PCDHA2: variants seen among roughly 807,000 people sequenced by gnomAD.
The protein encoded by PCDHA2 is protocadherin alpha 2.
Under a neutral mutation model 66.0 loss-of-function variants are expected in PCDHA2, and 58 were observed. The observed-to-expected ratio is 0.88, with a 90% confidence interval of 0.71 to 1.09. The LOEUF (loss-of-function observed/expected upper bound fraction) is 1.09, where lower values mean the gene tolerates loss of function less well. Among genes scored for constraint, PCDHA2 ranks in the 50% least tolerant of loss-of-function variants. The pLI, the probability that PCDHA2 is intolerant of heterozygous loss-of-function variation, is 0.00. For synonymous variants in PCDHA2, 634 were observed against 554.0 expected (o/e 1.14, Z -2.03); for missense variants, 1,267 against 1,242.3 (o/e 1.02, Z -0.30).
chr5:140,805,437 TTGTG>T, intron 1 of PCDHA2: 1 of 1,051,000 alleles, frequency 9.5e-7, no homozygotes, highest in Non-Finnish European at 1.1e-6. Context: ...GTTTTGGTTT[TTGTG>T]TGTGTGTGTT....
chr5:140,973,362 A>G (rs2096583702), intron 1 of PCDHA2, among the ~76,000 whole-genome samples: 1 of 152,256 alleles, frequency 6.6e-6, no homozygotes, highest in Non-Finnish European at 1.5e-5. Flanking sequence ...ATTTATAAAA[A>G]TTGCACAATG....
intron 3 of PCDHA2, among the ~76,000 whole-genome samples, chr5:141,006,464 C>T (rs1243356826): frequency 5.9e-5 from 9 of 152,100 alleles, no homozygotes; most frequent in African/African-American, 1.7e-4. Context: ...CTGCCTGTCT[C>T]GGCCTCCCAA....
intron 1 of PCDHA2, chr5:140,856,228 G>A: frequency 6.3e-7 from 1 of 1,598,094 alleles, no homozygotes; most frequent in Middle Eastern, 1.7e-4. Context: ...AGCTGGTGCA[G>A]CGCCTGTTCC....
At chr5:140,806,009 C>G (rs1167336615) in intron 1 of PCDHA2, among the ~76,000 whole-genome samples, 1 of 152,146 alleles carries the variant, frequency 6.6e-6, no homozygotes, top group East Asian at 1.9e-4. Flanking sequence ...CACACATACT[C>G]AAATGCTTAT....
Position 140,853,522 on chromosome 5 carries a change from C to T in PCDHA2, c.2388+56170C>T, listed in dbSNP as rs1217727658. Reference sequence around the variant, plus strand: ...TCATGAAACAATAATGAAGCTCCTCCTATGTCTCTTTTCAAGTTGTAATTA... The same window carrying T: ...TCATGAAACAATAATGAAGCTCCTCTTATGTCTCTTTTCAAGTTGTAATTA... On this transcript the variant is annotated intron_variant, in intron 1 of 3. Coordinates refer to ENST00000526136, the MANE Select transcript of PCDHA2 (RefSeq NM_018905.3). 4.1e-6 allele frequency: 4 copies of T among 977,898 alleles called. No homozygotes were observed. In the African/African-American group the frequency reaches 5.3e-5, roughly 13 times the overall value. The allele number at this position is 977,898 out of a possible 1,614,324, so 60.6% of individuals were successfully genotyped here.
At position 140,828,792 on chromosome 5, in the gene PCDHA2, A is replaced by G. The variant is rs1554131542; in HGVS notation, c.2388+31440A>G. 3 of 1,614,098 alleles carry G rather than the reference A, an allele frequency of 1.9e-6. No homozygotes were observed. The East Asian group carries it at 6.7e-5, about 36-fold the overall frequency. ...GTTCAGCTGCTGGTCACAGTGCTGG[A>G]TGTGAATGATAATGCTCCCACTTTC... On this transcript the variant is annotated intron_variant, in intron 1 of 3. Coordinates refer to ENST00000526136, the MANE Select transcript of PCDHA2 (RefSeq NM_018905.3).
intron 2 of PCDHA2, among the ~76,000 whole-genome samples, chr5:140,979,642 A>G (rs1364696351): frequency 2.0e-5 from 3 of 152,188 alleles, no homozygotes; most frequent in South Asian, 2.1e-4. Flanking sequence ...ATTAAATATA[A>G]TTTTGCTTTC....
intron 1 of PCDHA2, chr5:140,841,800 C>T (rs2150322954): frequency 6.2e-7 from 1 of 1,613,890 alleles, no homozygotes. Context: ...GCGTCCGATG[C>T]AGATGTTGGA....
intron 1 of PCDHA2, chr5:140,829,054 C>G: frequency 6.2e-7 from 1 of 1,612,720 alleles, no homozygotes; most frequent in Non-Finnish European, 8.5e-7. Flanking sequence ...TCCTCATTGA[C>G]GCCACGGACA....
intron 1 of PCDHA2, chr5:140,808,971 G>A (rs1441304336): frequency 1.2e-6 from 2 of 1,613,480 alleles, no homozygotes; most frequent in Non-Finnish European, 1.7e-6. Context: ...GCAAAGGTGC[G>A]CGCGGTGGAT....
At chr5:140,877,172 C>A (rs371577720) in intron 1 of PCDHA2, 1 of 1,613,818 alleles carries the variant, frequency 6.2e-7, no homozygotes. Flanking sequence ...GCACTGCTGG[C>A]GACTCCGGCT....
intron 3 of PCDHA2, among the ~76,000 whole-genome samples, chr5:140,990,983 A>G (rs3776109): frequency 0.049 from 7,423 of 152,298 alleles, 240 homozygotes; most frequent in South Asian, 0.11. Flanking sequence ...AAAGGAAGAC[A>G]ATAGCTACCA....
chr5:140,854,758 C>T (rs2150321610), intron 1 of PCDHA2: 1 of 149,590 alleles, frequency 6.7e-6, no homozygotes, highest in South Asian at 2.1e-4. Context: ...ATTACATTTT[C>T]ATTCCTGAAT....
In PCDHA2 at chr5:140,858,295, G is replaced by A. The variant is rs190932191; in HGVS notation, c.2388+60943G>A. ...GCGCGGTGGGGAGCTGGTCTTACTC[G>A]CAGCAGAGGCGGCAGAGGGTGTGTT... On this transcript the variant is annotated intron_variant, in intron 1 of 3. Coordinates refer to ENST00000526136, the MANE Select transcript of PCDHA2 (RefSeq NM_018905.3). 2.6e-3 allele frequency: 4,219 copies of A among 1,597,346 alleles called. 330 individuals are homozygous for A. The highest frequency in any genetic ancestry group is 0.01 in the Middle Eastern group (61 of 5,988).
At chr5:140,969,606 C>T (rs2096345912) in intron 1 of PCDHA2, 1 of 758,598 alleles carries the variant, frequency 1.3e-6, no homozygotes, top group South Asian at 2.1e-5. Context: ...AATGCTAAAA[C>T]ACAGATTTGT....
intron 1 of PCDHA2, among the ~76,000 whole-genome samples, chr5:140,908,402 T>C (rs2073951162): frequency 6.6e-6 from 1 of 152,166 alleles, no homozygotes; most frequent in Non-Finnish European, 1.5e-5. Flanking sequence ...TATATACCAC[T>C]TCCATTTGAT....
chr5:140,978,704 G>A (rs1250477330), intron 1 of PCDHA2, among the ~76,000 whole-genome samples: 1 of 152,242 alleles, frequency 6.6e-6, no homozygotes, highest in African/African-American at 2.4e-5. Flanking sequence ...GCCAAAGGTG[G>A]CCTTTACAAG....
At chr5:140,836,252 C>T (rs2150256494) in intron 1 of PCDHA2, 2 of 1,613,762 alleles carry the variant, frequency 1.2e-6, no homozygotes, top group Admixed American at 1.7e-5. Context: ...TCCCGTTCCG[C>T]GTGGGGCTGT....
At chr5:140,987,429 G>T (rs1402576200) in intron 3 of PCDHA2, among the ~76,000 whole-genome samples, 2 of 152,096 alleles carry the variant, frequency 1.3e-5, no homozygotes, top group Admixed American at 1.3e-4. Flanking sequence ...GAAGCAGGGG[G>T]CCTTTCCCCA....
Sources: gnomAD v4.1 joint callset for allele counts (sites outside exome capture counted in the v4.1 genomes callset) on GRCh38, gnomAD v4.1.1 for gene constraint, MANE v1.5 for transcripts, NCBI Gene and HGNC (gene_info 2026-07-23, HGNC 2026-07-21) for gene names.